EPHA6: variants seen among roughly 807,000 people sequenced by gnomAD.
The protein encoded by EPHA6 is ephrin type-A receptor 6.
EPHA6 carries 50 observed loss-of-function variants against 112.0 expected under a neutral mutation model. The observed-to-expected ratio is 0.45, with a 90% CI of 0.36 to 0.56. The LOEUF (loss-of-function observed/expected upper bound fraction) is 0.56. Ranked by LOEUF, EPHA6 falls within the 20% of genes least tolerant of loss-of-function variation. The pLI, the probability that EPHA6 is intolerant of heterozygous loss-of-function variation, is 0.00. For missense variants in EPHA6, 1,280 were observed against 1,417.4 expected (o/e 0.90, Z 1.56); for synonymous variants, 529 against 490.7 (o/e 1.08, Z -1.03).
At chr3:97,497,666 A>C (rs2092014863) in intron 10 of EPHA6, among the ~76,000 whole-genome samples, 1 of 152,188 alleles carries the variant, frequency 6.6e-6, no homozygotes, top group East Asian at 1.9e-4. Context: ...TAGAATTTAC[A>C]AGTGTTTATT....
intron 3 of EPHA6, among the ~76,000 whole-genome samples, chr3:97,219,358 G>GC (rs1451547297): frequency 6.6e-6 from 1 of 152,118 alleles, no homozygotes; most frequent in Non-Finnish European, 1.5e-5. Flanking sequence ...TCAGACTTCT[G>GC]CCATATAATG....
At chr3:97,007,397 T>G (rs1410336820) in intron 3 of EPHA6, among the ~76,000 whole-genome samples, 10 of 151,974 alleles carry the variant, frequency 6.6e-5, no homozygotes, top group African/African-American at 2.4e-4. Flanking sequence ...TGGTTTAAAG[T>G]CTGTTTTATC....
chr3:96,962,771 A>T (rs922907295), intron 2 of EPHA6, among the ~76,000 whole-genome samples: 2 of 151,938 alleles, frequency 1.3e-5, no homozygotes, highest in Non-Finnish European at 2.9e-5. Context: ...GTGCCCTTTG[A>T]ATCCCATTTA....
chr3:97,510,235 T>A (rs1208551254), intron 10 of EPHA6, among the ~76,000 whole-genome samples: 1 of 152,214 alleles, frequency 6.6e-6, no homozygotes, highest in East Asian at 1.9e-4. Flanking sequence ...CCCTTGCTTG[T>A]GAGGAGCTGT....
At chr3:96,839,312 C>T (rs1486051713) in intron 1 of EPHA6, among the ~76,000 whole-genome samples, 1 of 151,758 alleles carries the variant, frequency 6.6e-6, no homozygotes, top group Admixed American at 6.6e-5. Flanking sequence ...GGAGCGTGAA[C>T]CCTATTGTGA....
intron 12 of EPHA6, among the ~76,000 whole-genome samples, chr3:97,595,902 CTTTTTTTTTTTTT>C (rs1198606431): frequency 8.7e-6 from 1 of 115,028 alleles, no homozygotes; most frequent in Non-Finnish European, 1.7e-5. Flanking sequence ...GACATATTCT[CTTTTTTTTTTTTT>C]TTTTTTTTGA....
chr3:97,201,243 C>T (rs1024792969), intron 3 of EPHA6, among the ~76,000 whole-genome samples: 4 of 152,072 alleles, frequency 2.6e-5, no homozygotes, highest in African/African-American at 7.2e-5. Flanking sequence ...GTTTCTCTAA[C>T]GTGTCTTAAC....
intron 2 of EPHA6, among the ~76,000 whole-genome samples, chr3:96,878,308 A>G (rs2037097595): frequency 6.6e-6 from 1 of 151,828 alleles, no homozygotes; most frequent in Non-Finnish European, 1.5e-5. Flanking sequence ...ATGCCTGGAA[A>G]ATAGAGAGAG....
At chr3:97,544,877 A>C (rs1229257747) in intron 11 of EPHA6, among the ~76,000 whole-genome samples, 4 of 152,086 alleles carry the variant, frequency 2.6e-5, no homozygotes, top group Admixed American at 2.6e-4. Flanking sequence ...GTTTATTTGC[A>C]TAGAGGTGTT....
At chr3:97,318,783 A>T (rs2081965837) in intron 5 of EPHA6, among the ~76,000 whole-genome samples, 1 of 151,960 alleles carries the variant, frequency 6.6e-6, no homozygotes, top group African/African-American at 2.4e-5. Flanking sequence ...AGATGGCTTT[A>T]AAGTTAACCA....
chr3:96,940,643 G>T (rs1330680751), intron 2 of EPHA6, among the ~76,000 whole-genome samples: 1 of 152,128 alleles, frequency 6.6e-6, no homozygotes, highest in African/African-American at 2.4e-5. Context: ...CTGTCATTAT[G>T]ATGTTAGCTG....
intron 3 of EPHA6, among the ~76,000 whole-genome samples, chr3:97,086,880 A>C (rs2046918353): frequency 6.6e-6 from 1 of 152,150 alleles, no homozygotes; most frequent in African/African-American, 2.4e-5. Context: ...TTTTCCCATT[A>C]TTGAATTGCA....
intron 13 of EPHA6, among the ~76,000 whole-genome samples, chr3:97,621,550 C>T (rs943631270): frequency 6.6e-6 from 1 of 151,794 alleles, no homozygotes; most frequent in African/African-American, 2.4e-5. Flanking sequence ...AAGGTAGTTA[C>T]TAAATGCAAA....
chr3:97,049,595 C>A (rs1349604651), intron 3 of EPHA6, among the ~76,000 whole-genome samples: 1 of 152,072 alleles, frequency 6.6e-6, no homozygotes, highest in African/African-American at 2.4e-5. Context: ...AAATGTAAGT[C>A]TTAGTGAATT....
intron 10 of EPHA6, among the ~76,000 whole-genome samples, chr3:97,488,883 A>T (rs1007050531): frequency 6.6e-6 from 1 of 152,202 alleles, no homozygotes; most frequent in Admixed American, 6.5e-5. Context: ...TTTACTCAAT[A>T]ATTTCAGAGC....
At chr3:97,267,432 A>G (rs1225674503) in intron 5 of EPHA6, among the ~76,000 whole-genome samples, 2 of 152,138 alleles carry the variant, frequency 1.3e-5, no homozygotes. Context: ...TAAGATCAAT[A>G]GAAAGGAAGG....
intron 7 of EPHA6, among the ~76,000 whole-genome samples, chr3:97,451,734 C>A (rs1036551873): frequency 2.0e-5 from 3 of 151,808 alleles, no homozygotes; most frequent in Admixed American, 1.3e-4. Flanking sequence ...TGATGTGAAT[C>A]CCAATTGACG....
intron 13 of EPHA6, among the ~76,000 whole-genome samples, chr3:97,613,065 CA>C (rs961943786): frequency 4.8e-4 from 71 of 147,622 alleles, no homozygotes; most frequent in East Asian, 1.6e-3. Flanking sequence ...TATTATAATG[CA>C]AAAAAAAAAT....
chr3:97,077,850 A>G (rs188670524), intron 3 of EPHA6, among the ~76,000 whole-genome samples: 1 of 152,274 alleles, frequency 6.6e-6, no homozygotes, highest in African/African-American at 2.4e-5. Flanking sequence ...GTTGTAATAA[A>G]TATATGTGTG....
Sources: allele counts gnomAD v4.1 joint callset (sites outside exome capture counted in the v4.1 genomes callset), GRCh38; gene constraint gnomAD v4.1.1; transcripts MANE v1.5; gene names NCBI Gene and HGNC (gene_info 2026-07-23, HGNC 2026-07-21).